Variants in EYA4 observed in about 807,000 individuals in gnomAD.
EYA4 encodes the protein EYA transcriptional coactivator and phosphatase 4, also known as protein phosphatase EYA4.
Under a neutral mutation model 87.9 loss-of-function variants are expected in EYA4, and 31 were observed. The ratio of observed to expected loss-of-function variants is 0.35; its 90% CI spans 0.27 to 0.48. The LOEUF is 0.48. EYA4 is among the 20% of genes least tolerant of loss of function. EYA4 has a pLI of 0.99. For missense variants in EYA4, 678 were observed against 761.4 expected (o/e 0.89, Z 1.29); for synonymous variants, 263 against 270.6 (o/e 0.97, Z 0.28).
chr6:133,352,754 C>G (rs1419128847), intron 2 of EYA4, among the ~76,000 whole-genome samples: 1 of 152,174 alleles, frequency 6.6e-6, no homozygotes, highest in African/African-American at 2.4e-5. Context: ...AGAATTGTAG[C>G]TGGATTGAAA....
chr6:133,299,955 C>CTATCTA (rs1554220543), intron 2 of EYA4, among the ~76,000 whole-genome samples: 2 of 106,206 alleles, frequency 1.9e-5, no homozygotes, highest in African/African-American at 3.4e-5. Context: ...ATCTATCTAT[C>CTATCTA]TATATATATA....
At chr6:133,258,300 AAG>A (rs934457497) in intron 1 of EYA4, among the ~76,000 whole-genome samples, 3 of 152,178 alleles carry the variant, frequency 2.0e-5, no homozygotes, top group Admixed American at 6.5e-5. Flanking sequence ...TGGTTCAGTC[AAG>A]AGAGAGGGGG....
At chr6:133,405,275 G>C (rs1221489927) in intron 3 of EYA4, among the ~76,000 whole-genome samples, 2 of 152,066 alleles carry the variant, frequency 1.3e-5, no homozygotes, top group Admixed American at 6.5e-5. Context: ...ATATCTATTG[G>C]ATATATGAAT....
At position 133,510,488 on chromosome 6, in the gene EYA4, T is replaced by C. The variant is rs1405600129; in HGVS notation, c.1282-2233T>C. 9 of 349,822 alleles carry C rather than the reference T, an allele frequency of 2.6e-5. No homozygotes were observed. The East Asian group carries it at 6.7e-4, about 26-fold the overall frequency. The allele number at this position is 349,822 out of a possible 1,614,324, so 21.7% of individuals were successfully genotyped here. The stretch of plus-strand genomic sequence containing the variant: ...TCCATATTCTGGGAGAAAAACTTTA[T>C]TTCCAACCCTTATGCTAATGGGTAA... On this transcript the variant is annotated intron_variant, in intron 14 of 19. Transcript: ENST00000355286.
In EYA4 at chr6:133,482,189, T is replaced by C. The variant is rs190795288; in HGVS notation, c.1107+590T>C. On this transcript the variant is annotated intron_variant, in intron 12 of 19. Coordinates refer to ENST00000355286, the MANE Select transcript of EYA4 (RefSeq NM_004100.5). ...ACTATTCTTAACCATAATATGTTACTTCTTACATACCACATACTTCGGTTA... is the reference window on the plus strand; with the variant it reads ...ACTATTCTTAACCATAATATGTTACCTCTTACATACCACATACTTCGGTTA... Among the ~76,000 whole-genome samples, 4 of 152,358 alleles carry C rather than the reference T, an allele frequency of 2.6e-5. No homozygotes were observed. The East Asian group carries it at 5.8e-4, about 22-fold the overall frequency.
chr6:133,411,932 AT>A (rs1789277435), intron 3 of EYA4, among the ~76,000 whole-genome samples: 1 of 152,214 alleles, frequency 6.6e-6, no homozygotes, highest in Non-Finnish European at 1.5e-5. Context: ...AGCTTATACC[AT>A]TGAAAAGTCA....
chr6:133,515,280 T>C (rs746926024), intron 16 of EYA4, 41 bp from the exon 17 acceptor site: 2 of 931,896 alleles, frequency 2.1e-6, no homozygotes, highest in South Asian at 2.6e-5. Context: ...TCTGAGACAA[T>C]ATTCATCTCT....
chr6:133,260,343 TTC>T (rs1775698041), intron 1 of EYA4, among the ~76,000 whole-genome samples: 1 of 152,180 alleles, frequency 6.6e-6, no homozygotes, highest in African/African-American at 2.4e-5. Flanking sequence ...GTTCAGGCGA[TTC>T]TCCTGCCTCA....
intron 17 of EYA4, among the ~76,000 whole-genome samples, chr6:133,516,405 G>A (rs577755109): frequency 2.0e-5 from 3 of 152,084 alleles, no homozygotes; most frequent in African/African-American, 4.8e-5. Context: ...GAATCTGTCA[G>A]CATTTCCATT....
chr6:133,242,372 G>T (rs929310220), intron 1 of EYA4, among the ~76,000 whole-genome samples: 7 of 152,212 alleles, frequency 4.6e-5, no homozygotes, highest in African/African-American at 1.7e-4. Flanking sequence ...TGGACTGAAT[G>T]TCTCCTGCAG....
intron 2 of EYA4, among the ~76,000 whole-genome samples, chr6:133,303,678 A>G (rs1779587527): frequency 6.6e-6 from 1 of 152,204 alleles, no homozygotes; most frequent in Non-Finnish European, 1.5e-5. Context: ...AGAATATTTC[A>G]CTTTATCCTT....
At chr6:133,276,513 T>TTCA (rs1287828195) in intron 2 of EYA4, among the ~76,000 whole-genome samples, 3 of 152,196 alleles carry the variant, frequency 2.0e-5, no homozygotes, top group Non-Finnish European at 4.4e-5. Context: ...AGCACAGAAC[T>TTCA]TGTAAATCAG....
Position 133,512,959 on chromosome 6 carries a change from G to A in EYA4, c.1422G>A (p.Gly474=), listed in dbSNP as rs138141986. Residue 474 remains glycine, a synonymous_variant, in exon 16 of 20, where the codon GGG becomes GGA. Coordinates refer to ENST00000355286, the MANE Select transcript of EYA4 (RefSeq NM_004100.5). The stretch of plus-strand genomic sequence containing the variant: ...GTTTGCCAACAGGTGTAAGAGGAGG[G>A]GTTGACTGGATGAGGAAGTTGGCTT... The part of the protein sequence containing the change: ...NLCLPTGVRG[G]VDWMRKLAFR... 1.8e-5 allele frequency: 29 copies of A among 1,613,938 alleles called. No individual in the cohort carries two copies. The African/African-American group carries it at 3.2e-4, about 18-fold the overall frequency.
chr6:133,405,540 G>A (rs159421), intron 3 of EYA4, among the ~76,000 whole-genome samples: 3 of 151,960 alleles, frequency 2.0e-5, no homozygotes, highest in Non-Finnish European at 2.9e-5. Context: ...ATGTATGAAA[G>A]GTGAATACTC....
intron 2 of EYA4, among the ~76,000 whole-genome samples, chr6:133,344,867 A>T (rs930868763): frequency 1.3e-5 from 2 of 152,128 alleles, no homozygotes; most frequent in Non-Finnish European, 2.9e-5. Context: ...TGTTTATATA[A>T]TAATTACTCC....
intron 2 of EYA4, among the ~76,000 whole-genome samples, chr6:133,279,506 T>G (rs892762770): frequency 4.6e-5 from 7 of 152,150 alleles, no homozygotes; most frequent in Admixed American, 1.3e-4. Context: ...CTATTTGTAT[T>G]TATGAAACAT....
intron 3 of EYA4, among the ~76,000 whole-genome samples, chr6:133,408,522 T>A (rs555425713): frequency 6.6e-6 from 1 of 152,194 alleles, no homozygotes; most frequent in Non-Finnish European, 1.5e-5. Context: ...ACAAAGGCAA[T>A]CTAGTAGAGG....
At chr6:133,466,089 G>A (rs566306679) in intron 10 of EYA4, among the ~76,000 whole-genome samples, 1 of 152,158 alleles carries the variant, frequency 6.6e-6, no homozygotes, top group Admixed American at 6.6e-5. Flanking sequence ...GTAACTCATT[G>A]TTCCCTGCTC....
In EYA4 at chr6:133,260,300, C is replaced by T. The variant is rs1305056333; in HGVS notation, c.-65-14416C>T. 3.3e-5 allele frequency among the ~76,000 whole-genome samples: 5 copies of T among 151,986 alleles called. No homozygotes were observed. In the East Asian group the frequency reaches 7.7e-4, roughly 23 times the overall value. ...TTGCCCAGGCTGGAGTGCAGTGGCACGATCTTGGCTTACTGCAATCTCTGC... is the reference window on the plus strand; with the variant it reads ...TTGCCCAGGCTGGAGTGCAGTGGCATGATCTTGGCTTACTGCAATCTCTGC... On this transcript the variant is annotated intron_variant, in intron 1 of 19. Coordinates refer to ENST00000355286, the MANE Select transcript of EYA4 (RefSeq NM_004100.5).
Sources: gnomAD v4.1 joint callset for allele counts (sites outside exome capture counted in the v4.1 genomes callset) on GRCh38, gnomAD v4.1.1 for gene constraint, MANE v1.5 for transcripts, NCBI Gene and HGNC (gene_info 2026-07-23, HGNC 2026-07-21) for gene names.